ZNF365: variants seen among roughly 807,000 people sequenced by gnomAD.
The protein encoded by ZNF365 is protein ZNF365.
In ZNF365, 22 loss-of-function variants were observed where a neutral mutation model predicts 35.0. The observed-to-expected ratio is 0.63, with a 90% CI of 0.45 to 0.90. The LOEUF (loss-of-function observed/expected upper bound fraction) is 0.90. Among genes scored for constraint, ZNF365 ranks in the 40% least tolerant of loss-of-function variants. The pLI, the probability that ZNF365 is intolerant of heterozygous loss-of-function variation, is 0.00. For missense variants in ZNF365, 448 were observed against 500.3 expected, an observed-to-expected ratio of 0.90 and a Z score of 1.00; for synonymous variants, 188 against 196.2, an observed-to-expected ratio of 0.96 and a Z score of 0.35.
chr10:62,463,385 C>G (rs367934139), intron 4 of ZNF365, among the ~76,000 whole-genome samples: 4 of 152,348 alleles, frequency 2.6e-5, no homozygotes, highest in African/African-American at 9.6e-5. Flanking sequence ...TTCCCCTCCC[C>G]ACTTACCTTA....
intron 2 of ZNF365, among the ~76,000 whole-genome samples, chr10:62,381,529 G>A (rs1839438269): frequency 6.6e-6 from 1 of 152,038 alleles, no homozygotes; most frequent in Non-Finnish European, 1.5e-5. Flanking sequence ...ATGTAATACT[G>A]AGTGTGGCCC....
chr10:62,453,813 T>G (rs1421180245), intron 3 of ZNF365, among the ~76,000 whole-genome samples: 1 of 152,214 alleles, frequency 6.6e-6, no homozygotes, highest in African/African-American at 2.4e-5. Context: ...TTGAAAATAG[T>G]GAAAACTTGG....
intron 3 of ZNF365, among the ~76,000 whole-genome samples, chr10:62,407,916 C>A (rs994904969): frequency 2.6e-4 from 40 of 151,700 alleles, no homozygotes; most frequent in Non-Finnish European, 4.7e-4. Context: ...GTCTACCTAC[C>A]CAAACTTTTA....
At chr10:62,391,046 G>C (rs541566009) in intron 3 of ZNF365, among the ~76,000 whole-genome samples, 1 of 152,118 alleles carries the variant, frequency 6.6e-6, no homozygotes, top group Admixed American at 6.5e-5. Context: ...TGTACACTTA[G>C]GCTACACTAA....
rs747198432 is a variant in ZNF365 at position 62,399,548 on chromosome 10, C to T, written c.983C>T (p.Ser328Leu). ...TGTAGAAGCCGAGGGCACCCGCATTCGGTATGTAACCACCCTGATCTCAAG... is the reference window on the plus strand; with the variant it reads ...TGTAGAAGCCGAGGGCACCCGCATTTGGTATGTAACCACCCTGATCTCAAG... ...PKCLSRGHPH[S>L]VCNHPDLKAH... Residue 328 changes from serine to leucine, a missense_variant, in exon 5 of 5, where the codon TCG becomes TTG. Coordinates refer to ENST00000395254, the MANE Select transcript of ZNF365 (RefSeq NM_014951.3). 28 of 1,613,904 alleles carry T rather than the reference C, an allele frequency of 1.7e-5. No homozygotes were observed. The highest frequency in any genetic ancestry group is 2.3e-5 in the Non-Finnish European group (27 of 1,179,984).
chr10:62,384,148 G>C (rs140057662), intron 2 of ZNF365, among the ~76,000 whole-genome samples: 2,420 of 150,770 alleles, frequency 0.016, 30 homozygotes, highest in South Asian at 0.049. Context: ...CGAAGATGGG[G>C]CCGGAAGTGG....
chr10:62,458,204 A>G (rs1840791393), intron 3 of ZNF365, among the ~76,000 whole-genome samples: 1 of 152,146 alleles, frequency 6.6e-6, no homozygotes, highest in Non-Finnish European at 1.5e-5. Flanking sequence ...CAACGTGAAG[A>G]TTCCCCAAGG....
At position 62,402,029 on chromosome 10, in the gene ZNF365, T is replaced by G. The variant is rs1839838484; in HGVS notation, c.*2240T>G. On this transcript the variant is annotated 3_prime_UTR_variant, in exon 5 of 5. Transcript: ENST00000395254. ...TGTCAAAACATGGGAGATGGCTTAC[T>G]CAGAAGCATACTCCACTTAACATAC... 1 of 985,580 alleles carries G rather than the reference T, an allele frequency of 1.0e-6. No individual in the cohort carries two copies. The highest frequency in any genetic ancestry group is 1.7e-5 in the African/African-American group (1 of 57,248). 61.1% of individuals were successfully genotyped at this position (985,580 alleles called of 1,614,324 possible). A position where few individuals can be genotyped will look rare whatever the true frequency, so the allele number is the denominator to read the frequency against.
intron 3 of ZNF365, among the ~76,000 whole-genome samples, chr10:62,455,105 C>A (rs149537611): frequency 4.8e-4 from 73 of 152,246 alleles, no homozygotes; most frequent in African/African-American, 1.7e-3. Flanking sequence ...ATGCCTTGGA[C>A]TGGGCAGTTA....
At chr10:62,431,594 T>C (rs1840335823) in intron 3 of ZNF365, among the ~76,000 whole-genome samples, 1 of 152,216 alleles carries the variant, frequency 6.6e-6, no homozygotes, top group Non-Finnish European at 1.5e-5. Flanking sequence ...TTCCAACCAA[T>C]GCCACGATGC....
chr10:62,409,413 T>C (rs1011859961), intron 3 of ZNF365, among the ~76,000 whole-genome samples: 4 of 152,138 alleles, frequency 2.6e-5, no homozygotes, highest in Admixed American at 6.5e-5. Context: ...ATAAACTCTT[T>C]TCTAACGAAT....
downstream of ZNF365, among the ~76,000 whole-genome samples, chr10:62,403,215 TAAGG>T (rs939487316): frequency 6.6e-6 from 1 of 152,070 alleles, no homozygotes; most frequent in African/African-American, 2.4e-5. Context: ...AAGAAAATCA[TAAGG>T]AAGAGAAGAT....
chr10:62,437,828 C>T (rs1041861827), intron 3 of ZNF365, among the ~76,000 whole-genome samples: 3 of 152,150 alleles, frequency 2.0e-5, no homozygotes, highest in African/African-American at 7.2e-5. Flanking sequence ...ATAATCTATC[C>T]ACATACTTTA....
At chr10:62,425,012 C>G (rs1840230648) in intron 3 of ZNF365, among the ~76,000 whole-genome samples, 1 of 152,136 alleles carries the variant, frequency 6.6e-6, no homozygotes, top group African/African-American at 2.4e-5. Context: ...CACACAACCT[C>G]CCTGCTCTGT....
intron 3 of ZNF365, among the ~76,000 whole-genome samples, chr10:62,449,814 ATTT>A (rs200049664): frequency 2.1e-5 from 3 of 141,710 alleles, no homozygotes; most frequent in African/African-American, 7.7e-5. Context: ...AGCCTGGTTC[ATTT>A]TTTTTTTTTT....
intron 3 of ZNF365, among the ~76,000 whole-genome samples, chr10:62,437,974 A>G (rs1164572813): frequency 1.3e-5 from 2 of 152,168 alleles, no homozygotes; most frequent in Admixed American, 6.5e-5. Context: ...CGTGATGCAT[A>G]GCATGGGCCT....
intron 4 of ZNF365, among the ~76,000 whole-genome samples, chr10:62,469,768 C>T (rs541974566): frequency 6.6e-6 from 1 of 152,276 alleles, no homozygotes; most frequent in Non-Finnish European, 1.5e-5. Context: ...TTAATATTTA[C>T]AGTAACCCTG....
intron 3 of ZNF365, among the ~76,000 whole-genome samples, chr10:62,424,629 G>A (rs1294603991): frequency 6.6e-6 from 1 of 152,084 alleles, no homozygotes; most frequent in East Asian, 1.9e-4. Flanking sequence ...ATCAGGAATG[G>A]GATTCAGCAG....
At chr10:62,457,925 C>G (rs1199591790) in intron 3 of ZNF365, among the ~76,000 whole-genome samples, 1 of 152,166 alleles carries the variant, frequency 6.6e-6, no homozygotes, top group South Asian at 2.1e-4. Context: ...CCTCAAAACA[C>G]CAAAAACAGA....
Sources: gnomAD v4.1 joint callset for allele counts (sites outside exome capture counted in the v4.1 genomes callset) on GRCh38, gnomAD v4.1.1 for gene constraint, MANE v1.5 for transcripts, NCBI Gene and HGNC (gene_info 2026-07-23, HGNC 2026-07-21) for gene names.